The following HMMR variants were observed in gnomAD, a reference collection of about 807,000 sequenced individuals.
HMMR encodes the protein hyaluronan mediated motility receptor.
HMMR carries 108 observed loss-of-function variants against 101.0 expected under a neutral mutation model. The observed-to-expected ratio is 1.07, with a 90% CI of 0.92 to 1.25. The LOEUF (loss-of-function observed/expected upper bound fraction) is 1.25. Ranked by LOEUF, HMMR falls within the 50% of genes most tolerant of loss-of-function variation. The probability of loss-of-function intolerance (pLI) is 0.00; values close to 1 mark genes in which losing one functional copy is unlikely to be tolerated. For missense variants in HMMR, 813 were observed against 788.7 expected (o/e 1.03, Z -0.37); for synonymous variants, 296 against 276.4 (o/e 1.07, Z -0.70).
intron 7 of HMMR, 107 bp from the exon 8 acceptor site, chr5:163,473,072 C>T (rs955816192): frequency 4.9e-6 from 3 of 612,784 alleles, no homozygotes; most frequent in Non-Finnish European, 8.9e-6. Flanking sequence ...AGAGTTAGGG[C>T]TCTGTAGTCA....
chr5:163,474,722 A>C (rs1005469161), intron 10 of HMMR: 14 of 392,280 alleles, frequency 3.6e-5, no homozygotes, highest in Non-Finnish European at 7.0e-5. Flanking sequence ...TTTCACTTAC[A>C]AAATTGGCAC....
chr5:163,471,481 A>G lies in HMMR; in HGVS notation c.650+18A>G. On this transcript the variant is annotated intron_variant, in intron 7 of 17. Coordinates refer to ENST00000393915, the MANE Select transcript of HMMR (RefSeq NM_001142556.2). ...GGAAAACTGTAAGTGAGTGAATGTG[A>G]AGAGAAATTGTTAAGTGGAAGCAAT... 1 of 1,529,618 alleles carries G rather than the reference A, an allele frequency of 6.5e-7. No individual in the cohort carries two copies. Among genetic ancestry groups the G allele is most frequent in the Non-Finnish European group, 9.0e-7 (1 of 1,105,026 alleles). The allele number at this position is 1,529,618 out of a possible 1,614,324, so 94.8% of individuals were successfully genotyped here. A position where few individuals can be genotyped will look rare whatever the true frequency, so the allele number is the denominator to read the frequency against.
At chr5:163,482,482 A>G (rs1352769225) in intron 12 of HMMR, among the ~76,000 whole-genome samples, 160 bp from the exon 13 acceptor site, 1 of 152,176 alleles carries the variant, frequency 6.6e-6, no homozygotes, top group African/African-American at 2.4e-5. Flanking sequence ...ACTCATTAGT[A>G]CTTGCCTCAG....
At chr5:163,477,932 C>T (rs1035969068) in intron 11 of HMMR, among the ~76,000 whole-genome samples, 4 of 151,978 alleles carry the variant, frequency 2.6e-5, no homozygotes, top group Non-Finnish European at 4.4e-5. Context: ...TTTTGAAATC[C>T]GGCACTTGTT....
At chr5:163,465,818 G>T (rs1178261598) in intron 3 of HMMR, among the ~76,000 whole-genome samples, 1 of 151,926 alleles carries the variant, frequency 6.6e-6, no homozygotes, top group African/African-American at 2.4e-5. Context: ...AAAATGTGCT[G>T]GACGTGGTGG....
intron 12 of HMMR, among the ~76,000 whole-genome samples, chr5:163,482,004 C>G (rs1013484031): frequency 6.6e-6 from 1 of 152,208 alleles, no homozygotes; most frequent in Non-Finnish European, 1.5e-5. Context: ...CAACCTCCCC[C>G]TCCCAGGTTC....
rs1759084241 is a variant in HMMR, at chr5:163,476,853, C to A, written c.1268+1181C>A. ...GACCAGCCTGGCCAACATGGTGAAA[C>A]CCCATCTCTACTAAAAATACATAGT... On this transcript the variant is annotated intron_variant, in intron 11 of 17. Transcript: ENST00000393915. 2.0e-5 allele frequency among the ~76,000 whole-genome samples: 3 copies of A among 152,034 alleles called. No individual in the cohort carries two copies. The South Asian group carries it at 6.2e-4, about 32-fold the overall frequency.
Position 163,483,130 on chromosome 5 carries a change from AGG to A in HMMR, c.1644_1645del (p.Glu549GlyfsTer4). 1 of 1,612,640 alleles carries A rather than the reference AGG, an allele frequency of 6.2e-7. No homozygotes were observed. Among genetic ancestry groups the A allele is most frequent in the Non-Finnish European group, 8.5e-7 (1 of 1,179,572 alleles). On this transcript the variant is annotated frameshift_variant, in exon 14 of 18. Coordinates refer to ENST00000393915, the MANE Select transcript of HMMR (RefSeq NM_001142556.2). LOFTEE classifies it high-confidence loss of function. ...GATTTGCAGAACCAACTCAAGCAAC[AGG>A]AGGAAGACTTTAGAAAACAGCTGGA...
Position 163,473,519 on chromosome 5 carries a change from A to C in HMMR, c.866A>C (p.Asp289Ala). The C allele has an allele frequency of 1.3e-6, 2 of 1,583,998 alleles. No individual in the cohort carries two copies. Among genetic ancestry groups the C allele is most frequent in the South Asian group, 2.3e-5 (2 of 87,188 alleles). ...GTTATATTATCTAAACAAGTAGAAG[A>C]TCTAAATGTGAAATGTCAGCTGCTT... ...NIVILSKQVE[D>A]LNVKCQLLEK... Residue 289 changes from aspartate (D) to alanine (A), a missense_variant, in exon 9 of 18, where the codon GAT becomes GCT. Asp to Ala is a moderately radical substitution (Grantham distance 126). Coordinates refer to ENST00000393915, the MANE Select transcript of HMMR (RefSeq NM_001142556.2).
chr5:163,485,545 G>A (rs1475757483), intron 16 of HMMR, among the ~76,000 whole-genome samples: 8 of 152,072 alleles, frequency 5.3e-5, no homozygotes, highest in Non-Finnish European at 1.2e-4. Flanking sequence ...ATTATTGTGA[G>A]AATTCTTCAT....
chr5:163,467,935 G>A (rs1758753920), intron 4 of HMMR, among the ~76,000 whole-genome samples, 187 bp downstream of exon 4: 1 of 152,100 alleles, frequency 6.6e-6, no homozygotes, highest in Non-Finnish European at 1.5e-5. Context: ...ATGTTAATGT[G>A]GTATGCTGGC....
intron 16 of HMMR, among the ~76,000 whole-genome samples, chr5:163,487,753 A>C (rs1018118141): frequency 1.3e-5 from 2 of 151,084 alleles, no homozygotes; most frequent in Non-Finnish European, 2.9e-5. Context: ...GTCAGTAGTA[A>C]TGGCTTCTCT....
Position 163,475,676 on chromosome 5 carries a change from T to G in HMMR, c.1268+4T>G. 6.6e-7 allele frequency: 1 copy of G among 1,525,062 alleles called. No individual in the cohort carries two copies. The highest frequency in any genetic ancestry group is 1.1e-5 in the South Asian group (1 of 87,478). 94.5% of individuals were successfully genotyped at this position (1,525,062 alleles called of 1,614,324 possible). Reference sequence around the variant, plus strand: ...TCCTAGAAGAAAAGCTGAAAGGGTTTGTATTAATAGGATCTCATGTTTATG... The same window carrying G: ...TCCTAGAAGAAAAGCTGAAAGGGTTGGTATTAATAGGATCTCATGTTTATG... On this transcript the variant is annotated splice_donor_region_variant and intron_variant, in intron 11 of 17. Coordinates refer to ENST00000393915, the MANE Select transcript of HMMR (RefSeq NM_001142556.2).
intron 16 of HMMR, among the ~76,000 whole-genome samples, chr5:163,486,869 A>G (rs1360108924): frequency 1.3e-5 from 2 of 152,240 alleles, no homozygotes; most frequent in African/African-American, 2.4e-5. Context: ...ACCTGAGGTC[A>G]GGAGTTTGAG....
At chr5:163,488,671 CTCTT>C (rs1242753894) in intron 16 of HMMR, among the ~76,000 whole-genome samples, 2 of 152,216 alleles carry the variant, frequency 1.3e-5, no homozygotes, top group African/African-American at 4.8e-5. Context: ...CTGCCTTCCT[CTCTT>C]TCCGTGAACA....
chr5:163,476,427 C>A (rs1038309640), intron 11 of HMMR, among the ~76,000 whole-genome samples: 26 of 152,290 alleles, frequency 1.7e-4, no homozygotes, highest in African/African-American at 4.6e-4. Context: ...GTAAGTTATA[C>A]CTTTAATTAC....
chr5:163,466,182 C>T (rs775633700), intron 3 of HMMR, among the ~76,000 whole-genome samples: 2 of 151,774 alleles, frequency 1.3e-5, no homozygotes, highest in Non-Finnish European at 2.9e-5. Flanking sequence ...AGGAGAACTG[C>T]TTGAACCTAG....
intron 3 of HMMR, among the ~76,000 whole-genome samples, chr5:163,467,253 A>G (rs1758734101): frequency 6.6e-6 from 1 of 152,220 alleles, no homozygotes; most frequent in African/African-American, 2.4e-5. Flanking sequence ...AGCCAATGAG[A>G]AAATTAGAAT....
intron 11 of HMMR, among the ~76,000 whole-genome samples, chr5:163,475,894 A>T (rs138668236): frequency 1.9e-3 from 288 of 152,340 alleles, no homozygotes; most frequent in Non-Finnish European, 3.2e-3. Flanking sequence ...TTAAGTTAAA[A>T]GTTAAAGGTT....
Sources: allele counts gnomAD v4.1 joint callset (sites outside exome capture counted in the v4.1 genomes callset), GRCh38; gene constraint gnomAD v4.1.1; transcripts MANE v1.5; gene names NCBI Gene and HGNC (gene_info 2026-07-23, HGNC 2026-07-21).